Variants in PLXNA4 observed in about 807,000 individuals in gnomAD.
The protein encoded by PLXNA4 is plexin-A4.
Under a neutral mutation model 191.8 loss-of-function variants are expected in PLXNA4, and 44 were observed. The ratio of observed to expected loss-of-function variants is 0.23; its 90% confidence interval spans 0.18 to 0.29. The LOEUF (loss-of-function observed/expected upper bound fraction) is 0.29, where lower values mean the gene tolerates loss of function less well. Ranked by LOEUF, PLXNA4 falls within the 10% of genes least tolerant of loss-of-function variation. PLXNA4 has a pLI of 1.00. For missense variants in PLXNA4, 1,800 were observed against 2,488.8 expected (o/e 0.72, Z 5.89); for synonymous variants, 1,082 against 1,009.5 (o/e 1.07, Z -1.36).
chr7:132,140,569 C>T (rs1458804297), intron 30 of PLXNA4, 30 bp downstream of exon 30: 3 of 1,609,258 alleles, frequency 1.9e-6, no homozygotes, highest in East Asian at 2.2e-5. Flanking sequence ...AGCAAGGGGC[C>T]CTGACTTGGC....
chr7:132,355,230 G>A (rs1803651086), intron 3 of PLXNA4, among the ~76,000 whole-genome samples: 1 of 152,220 alleles, frequency 6.6e-6, no homozygotes, highest in Non-Finnish European at 1.5e-5. Context: ...TTCCTGCTAA[G>A]AGATGGCTAT....
In PLXNA4 at chr7:132,187,592, C is replaced by T; in HGVS notation, c.2872G>A (p.Asp958Asn). Residue 958 changes from aspartate to asparagine, a missense_variant, in exon 15 of 32, where the codon GAT becomes AAT. Asp to Asn is a conservative substitution (Grantham distance 23). Coordinates refer to ENST00000321063, the MANE Select transcript of PLXNA4 (RefSeq NM_020911.2). ...ATGGGCCCCCGGCTGGGCTTCAGAT[C>T]TGAGAGAGTCAGTGTCTGTGTAGAA... ...LYYFMTLTLS[D>N]LKPSRGPMSG... 6.2e-7 allele frequency: 1 copy of T among 1,613,308 alleles called. No homozygotes were observed. Among genetic ancestry groups the T allele is most frequent in the Non-Finnish European group, 8.5e-7 (1 of 1,179,582 alleles).
intron 4 of PLXNA4, among the ~76,000 whole-genome samples, chr7:132,253,299 G>T (rs1368731880): frequency 6.7e-6 from 1 of 148,620 alleles, no homozygotes; most frequent in South Asian, 2.1e-4. Context: ...GCAGTGGCGC[G>T]ATCTCAGCTC....
intron 1 of PLXNA4, among the ~76,000 whole-genome samples, chr7:132,531,430 G>A (rs542235122): frequency 6.6e-6 from 1 of 152,220 alleles, no homozygotes; most frequent in Non-Finnish European, 1.5e-5. Context: ...CTATAAGGTA[G>A]ATATTATTAT....
intron 6 of PLXNA4, among the ~76,000 whole-genome samples, chr7:132,228,093 T>G (rs1798391107): frequency 6.6e-6 from 1 of 152,168 alleles, no homozygotes; most frequent in Non-Finnish European, 1.5e-5. Flanking sequence ...TTTGGTCATT[T>G]TTGGTGATGG....
chr7:132,349,481 G>T (rs73723800), intron 3 of PLXNA4, among the ~76,000 whole-genome samples: 11,633 of 152,194 alleles, frequency 0.076, 790 homozygotes, highest in African/African-American at 0.18. Context: ...GCATTTTTGT[G>T]CTGGACAGAG....
chr7:132,345,370 A>G (rs1319735747), intron 3 of PLXNA4, among the ~76,000 whole-genome samples: 2 of 152,246 alleles, frequency 1.3e-5, no homozygotes, highest in Admixed American at 6.5e-5. Context: ...CCATATGTGC[A>G]TTAAGCATTA....
rs1343785102 is a variant in PLXNA4 at position 132,126,279 on chromosome 7, G to A, written c.*4200C>T. The A allele has an allele frequency of 6.6e-6, 1 of 152,532 alleles. No homozygotes were observed. Among genetic ancestry groups the A allele is most frequent in the Non-Finnish European group, 1.5e-5 (1 of 68,352 alleles). The allele number at this position is 152,532 out of a possible 1,614,324, so 9.4% of individuals were successfully genotyped here. On this transcript the variant is annotated 3_prime_UTR_variant, in exon 32 of 32. Coordinates refer to ENST00000321063, the MANE Select transcript of PLXNA4 (RefSeq NM_020911.2). The stretch of plus-strand genomic sequence containing the variant: ...GGGACCCATAGGGCCTTGGCTAGAC[G>A]AGGGAGCTCCTACAGCCAGGAAGGC...
intron 5 of PLXNA4, among the ~76,000 whole-genome samples, chr7:132,229,842 T>C (rs1380885339): frequency 6.6e-6 from 1 of 152,018 alleles, no homozygotes; most frequent in Admixed American, 6.6e-5. Flanking sequence ...CTGGACACCC[T>C]GAGCTGCTAT....
chr7:132,505,234 T>C (rs773372041), intron 2 of PLXNA4, among the ~76,000 whole-genome samples: 5 of 152,232 alleles, frequency 3.3e-5, no homozygotes, highest in African/African-American at 4.8e-5. Context: ...CTGTTTTCCC[T>C]CTATTCTCTC....
At chr7:132,591,561 C>G (rs145767941) in intron 2 of PLXNA4, among the ~76,000 whole-genome samples, 355 of 152,178 alleles carry the variant, frequency 2.3e-3, no homozygotes, top group African/African-American at 8.3e-3. Context: ...CAACAATAGA[C>G]TATATATATC....
chr7:132,311,047 T>C (rs1241398454), intron 3 of PLXNA4, among the ~76,000 whole-genome samples: 1 of 152,192 alleles, frequency 6.6e-6, no homozygotes, highest in Non-Finnish European at 1.5e-5. Flanking sequence ...CATTTTGCAA[T>C]GTCAGTGCAT....
chr7:132,504,837 C>A (rs181460049), intron 2 of PLXNA4, among the ~76,000 whole-genome samples: 338 of 152,350 alleles, frequency 2.2e-3, no homozygotes, highest in Middle Eastern at 6.8e-3. Flanking sequence ...ACCAACCCAA[C>A]AGCCTTGTAA....
chr7:132,494,451 T>C (rs1480910739), intron 2 of PLXNA4, among the ~76,000 whole-genome samples: 3 of 152,148 alleles, frequency 2.0e-5, no homozygotes, highest in Admixed American at 6.5e-5. Context: ...TGGATCACCA[T>C]GGAGGGCCCT....
chr7:132,242,297 C>T (rs979591974), intron 4 of PLXNA4, among the ~76,000 whole-genome samples: 1 of 152,118 alleles, frequency 6.6e-6, no homozygotes, highest in Non-Finnish European at 1.5e-5. Flanking sequence ...ACAACAGGCA[C>T]AGAAAACTAT....
chr7:132,172,763 T>TAA (rs141576529), intron 21 of PLXNA4, among the ~76,000 whole-genome samples: 1 of 150,972 alleles, frequency 6.6e-6, no homozygotes, highest in Non-Finnish European at 1.5e-5. Flanking sequence ...TAAAGTATAA[T>TAA]AATAATAATA....
At chr7:132,549,143 C>T (rs1800441512) in intron 1 of PLXNA4, among the ~76,000 whole-genome samples, 1 of 152,200 alleles carries the variant, frequency 6.6e-6, no homozygotes, top group African/African-American at 2.4e-5. Flanking sequence ...AGCAGCTCAT[C>T]CTGCTGCTCT....
At position 132,134,474 on chromosome 7, in the gene PLXNA4, G is replaced by C. The variant is rs113904739; in HGVS notation, c.5439-1275C>G. ...GAGCATCCCTGGGCTAGTGAGGGCT[G>C]GGATGGCTTCCCTGCTTTGAGCCAC... On this transcript the variant is annotated intron_variant, in intron 30 of 31. Coordinates refer to ENST00000321063, the MANE Select transcript of PLXNA4 (RefSeq NM_020911.2). Among the ~76,000 whole-genome samples, 3 of 152,334 alleles carry C rather than the reference G, an allele frequency of 2.0e-5. No homozygotes were observed. In the South Asian group the frequency reaches 6.2e-4, roughly 32 times the overall value.
chr7:132,169,277 T>A (rs1796214222), intron 21 of PLXNA4, among the ~76,000 whole-genome samples: 1 of 152,242 alleles, frequency 6.6e-6, no homozygotes, highest in African/African-American at 2.4e-5. Context: ...TGGTCTTATC[T>A]TTCTGCCTCC....
Sources: gnomAD v4.1 joint callset for allele counts (sites outside exome capture counted in the v4.1 genomes callset) on GRCh38, gnomAD v4.1.1 for gene constraint, MANE v1.5 for transcripts, NCBI Gene and HGNC (gene_info 2026-07-23, HGNC 2026-07-21) for gene names.